The following SLC28A1 variants were observed in gnomAD, a reference collection of about 807,000 sequenced individuals.
The protein encoded by SLC28A1 is solute carrier family 28 member 1.
SLC28A1 carries 64 observed loss-of-function variants against 74.8 expected under a neutral mutation model. The observed-to-expected ratio is 0.86, with a 90% CI of 0.70 to 1.05. The LOEUF is 1.05. Ranked by LOEUF, SLC28A1 falls within the 50% of genes least tolerant of loss-of-function variation. The pLI, the probability that SLC28A1 is intolerant of heterozygous loss-of-function variation, is 0.00. For synonymous variants in SLC28A1, 359 were observed against 335.0 expected (o/e 1.07, Z -0.78); for missense variants, 828 against 822.8 (o/e 1.01, Z -0.08).
intron 10 of SLC28A1, 34 bp downstream of exon 10, chr15:84,918,638 C>G (rs771239841): frequency 2.0e-6 from 3 of 1,489,172 alleles, no homozygotes; most frequent in Non-Finnish European, 2.8e-6. Context: ...AGGGCTCTCC[C>G]AGAGTCACCA....
intron 9 of SLC28A1, among the ~76,000 whole-genome samples, chr15:84,910,293 G>A (rs953501685): frequency 6.6e-6 from 1 of 152,196 alleles, no homozygotes; most frequent in Non-Finnish European, 1.5e-5. Flanking sequence ...TTCCTTTAGG[G>A]TAACGAGCAG....
In SLC28A1 at chr15:84,904,086, C is replaced by G. The variant is rs370682800; in HGVS notation, c.462-11C>G. On this transcript the variant is annotated splice_polypyrimidine_tract_variant and intron_variant, in intron 6 of 18. Coordinates refer to ENST00000394573, the MANE Select transcript of SLC28A1 (RefSeq NM_004213.5). ...TGCTGAGGGTAATGGCTTTCTGTCTCTTGCCTGCAGGGGTCTAGCTCTTGC... is the reference window on the plus strand; with the variant it reads ...TGCTGAGGGTAATGGCTTTCTGTCTGTTGCCTGCAGGGGTCTAGCTCTTGC... 66 of 1,614,050 alleles carry G rather than the reference C, an allele frequency of 4.1e-5. No homozygotes were observed. The highest frequency in any genetic ancestry group is 1.6e-4 in the East Asian group (7 of 44,896).
rs1427920379 is a variant in SLC28A1, at chr15:84,887,831, T to C, written c.71T>C (p.Met24Thr). Residue 24 changes from methionine (M) to threonine (T), a missense_variant, in exon 3 of 19, where the codon ATG becomes ACG. Transcript: ENST00000394573. ...CCTGTGGCCAAGGGTCTGGAGAACA[T>C]GGGGGCTGATTTCTTGGAAAGCCTG... ...LTPVAKGLEN[M>T]GADFLESLEE... 4.3e-6 allele frequency: 7 copies of C among 1,613,630 alleles called. No homozygotes were observed. Among genetic ancestry groups the C allele is most frequent in the Non-Finnish European group, 5.9e-6 (7 of 1,179,688 alleles).
At chr15:84,905,347 G>C (rs1253878234) in intron 7 of SLC28A1, among the ~76,000 whole-genome samples, 192 bp from the exon 8 acceptor site, 1 of 152,182 alleles carries the variant, frequency 6.6e-6, no homozygotes, top group Non-Finnish European at 1.5e-5. Context: ...CACTGCCCAG[G>C]CCCATTCCTA....
chr15:84,947,415 C>G (rs2079270183), downstream of SLC28A1, among the ~76,000 whole-genome samples: 1 of 152,240 alleles, frequency 6.6e-6, no homozygotes. Context: ...TGACCCCCTT[C>G]TCTGGACTCC....
At position 84,935,469 on chromosome 15, in the gene SLC28A1, G is replaced by A. The variant is rs757554044; in HGVS notation, c.1532G>A (p.Arg511His). 6.2e-6 allele frequency: 10 copies of A among 1,614,174 alleles called. No individual in the cohort carries two copies. The highest frequency in any genetic ancestry group is 4.4e-5 in the South Asian group (4 of 91,080). Residue 511 changes from arginine to histidine, a missense_variant, in exon 15 of 19, where the codon CGC becomes CAC. Around this residue, in one of 3 missense-constraint regions of SLC28A1, gnomAD observed 767 missense variants for 753.5 expected, o/e 1.02. Coordinates refer to ENST00000394573, the MANE Select transcript of SLC28A1 (RefSeq NM_004213.5). Reference sequence around the variant, plus strand: ...GACCTCTCCAAGTACAAGCAACGCCGCCTGGCAGGGGCCGAGGAGTGGGTC... The same window carrying A: ...GACCTCTCCAAGTACAAGCAACGCCACCTGGCAGGGGCCGAGGAGTGGGTC... Reference protein sequence around the residue: ...YQDLSKYKQRRLAGAEEWVGD... With the variant: ...YQDLSKYKQRHLAGAEEWVGD...
chr15:84,936,230 A>G (rs927849857), intron 15 of SLC28A1, among the ~76,000 whole-genome samples: 7 of 148,142 alleles, frequency 4.7e-5, no homozygotes, highest in Admixed American at 2.7e-4. Flanking sequence ...AGCGTGAGCC[A>G]CTGCGCCCGG....
rs1567140848 is a variant in SLC28A1, at chr15:84,906,577, C to CTTTCT, written c.717+925_717+926insTTTCT. 8.4e-3 allele frequency among the ~76,000 whole-genome samples: 273 copies of CTTTCT among 32,460 alleles called. 5 individuals carry two copies. The highest frequency in any genetic ancestry group is 0.014 in the Non-Finnish European group (192 of 13,792). 21.3% of individuals were successfully genotyped at this position (32,460 alleles called of 152,430 possible). The stretch of plus-strand genomic sequence containing the variant: ...CTTTCTTTCTTTCTCTTTCTTTCTT[C>CTTTCT]CTTCCTTCCTTCCTTCCTTCCTTCC... On this transcript the variant is annotated intron_variant, in intron 8 of 18. Transcript: ENST00000394573.
chr15:84,915,247 T>A (rs933799854), intron 9 of SLC28A1, among the ~76,000 whole-genome samples: 1 of 152,136 alleles, frequency 6.6e-6, no homozygotes, highest in African/African-American at 2.4e-5. Flanking sequence ...CACAGGGAAG[T>A]TGGTGACAGA....
chr15:84,911,430 A>G (rs1277428090), intron 9 of SLC28A1, among the ~76,000 whole-genome samples: 1 of 152,210 alleles, frequency 6.6e-6, no homozygotes, highest in Non-Finnish European at 1.5e-5. Context: ...GTTGGCGCAG[A>G]GCCAGAGCTA....
chr15:84,959,558 TTTTG>T, the SLC28A1 span, among the ~76,000 whole-genome samples: 8 of 152,260 alleles, frequency 5.3e-5, no homozygotes, highest in Non-Finnish European at 1.5e-5. Flanking sequence ...TTCTTTATAA[TTTTG>T]TTTGCTTTCT....
At chr15:84,970,262 T>C in the SLC28A1 span, among the ~76,000 whole-genome samples, 1 of 152,312 alleles carries the variant, frequency 6.6e-6, no homozygotes, top group African/African-American at 2.4e-5. Context: ...GTCTCTTTTT[T>C]AGAAGGAAGG....
Position 84,945,322 on chromosome 15 carries a change from A to C in SLC28A1, c.*122A>C. ...AGCCACAGGACTTAGACCCAGCTCA[A>C]TCCCACAATTGGGAAGGGTTCATGG... On this transcript the variant is annotated 3_prime_UTR_variant, in exon 19 of 19. Transcript: ENST00000394573. 1.2e-6 allele frequency: 1 copy of C among 867,272 alleles called. No homozygotes were observed. Among genetic ancestry groups the C allele is most frequent in the Non-Finnish European group, 1.9e-6 (1 of 519,498 alleles). The allele number at this position is 867,272 out of a possible 1,614,324, so 53.7% of individuals were successfully genotyped here. A position where few individuals can be genotyped will look rare whatever the true frequency, so the allele number is the denominator to read the frequency against.
chr15:84,888,320 C>T (rs993468400), intron 3 of SLC28A1, among the ~76,000 whole-genome samples: 1 of 152,106 alleles, frequency 6.6e-6, no homozygotes, highest in African/African-American at 2.4e-5. Context: ...CTCCCAGGCT[C>T]CTCTGACAAA....
rs375967320 is a variant in SLC28A1 at position 84,890,430 on chromosome 15, G to A, written c.186-13G>A. On this transcript the variant is annotated splice_polypyrimidine_tract_variant and intron_variant, in intron 4 of 18. Coordinates refer to ENST00000394573, the MANE Select transcript of SLC28A1 (RefSeq NM_004213.5). Reference sequence around the variant, plus strand: ...GCTCATGCACTCATGGACCCTGCTGGTCTTGTTCCCAGGAGGAACCTGCAG... The same window carrying A: ...GCTCATGCACTCATGGACCCTGCTGATCTTGTTCCCAGGAGGAACCTGCAG... The A allele has an allele frequency of 3.8e-6, 6 of 1,599,310 alleles. No homozygotes were observed. Among genetic ancestry groups the A allele is most frequent in the Non-Finnish European group, 5.1e-6 (6 of 1,172,746 alleles).
In SLC28A1 at chr15:84,904,112, T is replaced by C. The variant is rs747012215; in HGVS notation, c.477T>C (p.Ala159=). The change falls in exon 7 of 19, where the codon GCT becomes GCC. Residue 159 remains alanine, a synonymous_variant. Transcript: ENST00000394573. ...TTGCCTGCAGGGGTCTAGCTCTTGC[T>C]GCTTTCCTGGGCCTGGTCCTGTGGC... The part of the protein sequence containing the change: ...LLWFKRGLAL[A]AFLGLVLWLS... 5.6e-6 allele frequency: 9 copies of C among 1,614,232 alleles called. No homozygotes were observed. The South Asian group carries it at 7.7e-5, about 14-fold the overall frequency.
At position 84,944,637 on chromosome 15, in the gene SLC28A1, G is replaced by C; in HGVS notation, c.1735G>C (p.Val579Leu). The change falls in exon 17 of 19, where the codon GTG becomes CTG. Residue 579 changes from valine (V) to leucine (L), a missense_variant. Val to Leu is a conservative substitution (Grantham distance 32). Transcript: ENST00000394573. The part of the protein sequence containing the change: ...VLRALFTGAC[V>L]SLVNACMAGI... The stretch of plus-strand genomic sequence containing the variant: ...CCGGGCGCTCTTCACGGGAGCCTGT[G>C]TGTCCCTGGTGAACGCCTGTATGGC... 3 of 1,614,008 alleles carry C rather than the reference G, an allele frequency of 1.9e-6. No homozygotes were observed. The highest frequency in any genetic ancestry group is 2.5e-6 in the Non-Finnish European group (3 of 1,179,856).
chr15:84,952,446 A>G, the SLC28A1 span, among the ~76,000 whole-genome samples: 1 of 152,290 alleles, frequency 6.6e-6, no homozygotes, highest in East Asian at 1.9e-4. Flanking sequence ...CTTGCATCCA[A>G]TGACTCCATG....
At chr15:84,961,582 C>A in the SLC28A1 span, 1 of 446,332 alleles carries the variant, frequency 2.2e-6, no homozygotes. Flanking sequence ...CTTAAATGAT[C>A]CTACTGCCTT....
Sources: allele counts gnomAD v4.1 joint callset (sites outside exome capture counted in the v4.1 genomes callset), GRCh38; gene constraint gnomAD v4.1.1; regional missense constraint gnomAD v4.1.1; transcripts MANE v1.5; gene names NCBI Gene and HGNC (gene_info 2026-07-23, HGNC 2026-07-21).